The following KIF9 variants were observed in gnomAD, a reference collection of about 807,000 sequenced individuals.
KIF9 encodes the protein kinesin family member 9.
A neutral mutation model predicts 94.8 loss-of-function variants in KIF9; 68 were observed. The observed-to-expected ratio is 0.72, with a 90% CI of 0.59 to 0.88. The LOEUF (loss-of-function observed/expected upper bound fraction) is 0.88. Among genes scored for constraint, KIF9 ranks in the 40% least tolerant of loss-of-function variants. The pLI is 0.00. For missense variants in KIF9, 882 were observed against 982.5 expected, an observed-to-expected ratio of 0.90 and a Z score of 1.37; for synonymous variants, 343 against 362.1, an observed-to-expected ratio of 0.95 and a Z score of 0.60.
chr3:47,237,705 G>A lies in KIF9; in HGVS notation c.1925-1086C>T, dbSNP rs547403418. On this transcript the variant is annotated intron_variant, in intron 17 of 20. Coordinates refer to ENST00000684063, the MANE Select transcript of KIF9 (RefSeq NM_182902.4). Reference sequence around the variant, plus strand: ...GCTGGGGTGCATGAGGCAGCCCCCAGGTGCTAGAGGAAAGTGTTAGCACTT... The same window carrying A: ...GCTGGGGTGCATGAGGCAGCCCCCAAGTGCTAGAGGAAAGTGTTAGCACTT... Among the ~76,000 whole-genome samples, 91 of 152,324 alleles carry A rather than the reference G, an allele frequency of 6.0e-4. 1 individual carries two copies. Among genetic ancestry groups the A allele is most frequent in the African/African-American group, 2.1e-3 (88 of 41,576 alleles).
intron 16 of KIF9, among the ~76,000 whole-genome samples, chr3:47,242,678 C>T (rs1224735580): frequency 2.6e-5 from 4 of 152,068 alleles, no homozygotes; most frequent in South Asian, 4.1e-4. Context: ...TAGGATAGAT[C>T]CTTAAAAACT....
intron 9 of KIF9, among the ~76,000 whole-genome samples, chr3:47,261,968 T>G (rs1576036673): frequency 6.6e-6 from 1 of 152,188 alleles, no homozygotes; most frequent in African/African-American, 2.4e-5. Context: ...TTCAACACAT[T>G]TGGAAGAGAC....
At chr3:47,250,579 A>G in intron 10 of KIF9, 1 of 494,298 alleles carries the variant, frequency 2.0e-6, no homozygotes, top group East Asian at 5.7e-5. Context: ...CACATCTCAC[A>G]CAAGCGTATG....
In KIF9 at chr3:47,277,313, T is replaced by C; in HGVS notation, c.62A>G (p.His21Arg). 4 of 1,614,120 alleles carry C rather than the reference T, an allele frequency of 2.5e-6. No homozygotes were observed. Among genetic ancestry groups the C allele is most frequent in the Non-Finnish European group, 2.5e-6 (3 of 1,179,978 alleles). Reference protein sequence around the residue: ...VRVKPTDDFAHEMIRYGDDKR... With the variant: ...VRVKPTDDFAREMIRYGDDKR... Reference sequence around the variant, plus strand: ...GTCATCTCCGTATCTGATCATTTCATGAGCAAAGTCATCGGTGGGTTTGAC... The same window carrying C: ...GTCATCTCCGTATCTGATCATTTCACGAGCAAAGTCATCGGTGGGTTTGAC... The change falls in exon 2 of 21, where the codon CAT becomes CGT. Residue 21 changes from histidine to arginine, a missense_variant. Coordinates refer to ENST00000684063, the MANE Select transcript of KIF9 (RefSeq NM_182902.4).
intron 3 of KIF9, 52 bp from the exon 4 acceptor site, chr3:47,273,710 ACT>A: frequency 2.7e-6 from 4 of 1,488,046 alleles, no homozygotes; most frequent in Non-Finnish European, 3.7e-6. Flanking sequence ...TCCAAGGATA[ACT>A]CTCCCCTCTC....
chr3:47,279,160 C>CAAAAAAAAAAA (rs55779664), intron 1 of KIF9, among the ~76,000 whole-genome samples: 1 of 54,910 alleles, frequency 1.8e-5, no homozygotes. Context: ...GACCATATCT[C>CAAAAAAAAAAA]AAAAAAAAAA....
At chr3:47,268,559 A>G (rs1172859328) in intron 5 of KIF9, among the ~76,000 whole-genome samples, 1 of 151,570 alleles carries the variant, frequency 6.6e-6, no homozygotes, top group African/African-American at 2.4e-5. Flanking sequence ...CCAAGAATAT[A>G]AGGGGTCACT....
chr3:47,264,201 C>G (rs1181518766), intron 9 of KIF9, 85 bp downstream of exon 9: 5 of 1,039,084 alleles, frequency 4.8e-6, no homozygotes, highest in South Asian at 1.3e-5. Flanking sequence ...GCCACTGTGC[C>G]AGGGTAGCCA....
At chr3:47,281,663 T>A (rs938629227) in intron 1 of KIF9, among the ~76,000 whole-genome samples, 4 of 152,164 alleles carry the variant, frequency 2.6e-5, no homozygotes, top group Non-Finnish European at 5.9e-5. Flanking sequence ...CCTTTCTCCC[T>A]CAGGACCTTG....
intron 16 of KIF9, among the ~76,000 whole-genome samples, chr3:47,241,857 T>TACAC (rs1253493137): frequency 9.8e-5 from 11 of 111,830 alleles, no homozygotes; most frequent in Non-Finnish European, 2.0e-4. Flanking sequence ...TATATATATA[T>TACAC]ATATACACAT....
chr3:47,232,512 C>T (rs1415494618), intron 20 of KIF9, among the ~76,000 whole-genome samples: 3 of 151,474 alleles, frequency 2.0e-5, no homozygotes, highest in Non-Finnish European at 2.9e-5. Flanking sequence ...CTCGAACTCC[C>T]GACCTTAGGT....
rs1698957256 is a variant in KIF9, at chr3:47,235,547, G to A, written c.2288C>T (p.Ser763Phe). The A allele has an allele frequency of 6.2e-7, 1 of 1,614,092 alleles. No individual in the cohort carries two copies. The highest frequency in any genetic ancestry group is 1.1e-5 in the South Asian group (1 of 91,084). The change falls in exon 20 of 21, where the codon TCC (serine) becomes TTC (phenylalanine). Residue 763 changes from serine (S) to phenylalanine (F), a missense_variant. Physicochemically the swap from Ser to Phe is radical, Grantham distance 155 (BLOSUM62 -2). Coordinates refer to ENST00000684063, the MANE Select transcript of KIF9 (RefSeq NM_182902.4). ...TATCTTGACTTTGGCATTGTAGAAG[G>A]AGATGGAATCAGGGCCCTCAGGAAG... ...RVLPEGPDSISFYNAKVKIEQ... is the reference protein window; with the variant it reads ...RVLPEGPDSIFFYNAKVKIEQ...
chr3:47,242,948 A>C, intron 16 of KIF9, 103 bp downstream of exon 16: 1 of 973,864 alleles, frequency 1.0e-6, no homozygotes, highest in Admixed American at 2.7e-5. Context: ...TTTGCCTATT[A>C]TTTCTTATTT....
intron 9 of KIF9, among the ~76,000 whole-genome samples, chr3:47,258,223 GGTTT>G (rs1379108572): frequency 2.0e-5 from 3 of 152,088 alleles, no homozygotes; most frequent in African/African-American, 7.2e-5. Flanking sequence ...AAAATATTAT[GGTTT>G]GTTTGTGGGG....
chr3:47,279,872 G>A (rs954157919), intron 1 of KIF9, among the ~76,000 whole-genome samples: 1 of 152,030 alleles, frequency 6.6e-6, no homozygotes, highest in Non-Finnish European at 1.5e-5. Context: ...CCACCTCAGC[G>A]GATCATTTTA....
intron 14 of KIF9, 21 bp downstream of exon 14, chr3:47,245,400 G>T (rs1699856993): frequency 4.4e-6 from 7 of 1,588,524 alleles, no homozygotes; most frequent in Non-Finnish European, 5.2e-6. Flanking sequence ...AGTGCTGTCG[G>T]CAAGTAGCAA....
chr3:47,254,774 T>C (rs1700468822), intron 10 of KIF9, among the ~76,000 whole-genome samples: 1 of 151,710 alleles, frequency 6.6e-6, no homozygotes, highest in African/African-American at 2.4e-5. Context: ...CTCAGTGTCA[T>C]AAAAGGGCCT....
chr3:47,245,584 TG>T, intron 13 of KIF9, 73 bp from the exon 14 acceptor site: 1 of 1,177,964 alleles, frequency 8.5e-7, no homozygotes, highest in East Asian at 2.3e-5. Flanking sequence ...AACCAAGTAC[TG>T]GGGTTAAAAG....
In KIF9 at chr3:47,235,497, T is replaced by G. The variant is rs773338332; in HGVS notation, c.2322+16A>C. ...TGAGGCCCCCATCCTCCTGGAGACA[T>G]AGGCCTCTGAGTTACCTTCTGCTCT... On this transcript the variant is annotated intron_variant, in intron 20 of 20. Coordinates refer to ENST00000684063, the MANE Select transcript of KIF9 (RefSeq NM_182902.4). The G allele has an allele frequency of 1.9e-6, 3 of 1,567,796 alleles. No individual in the cohort carries two copies. Among genetic ancestry groups the G allele is most frequent in the Non-Finnish European group, 1.8e-6 (2 of 1,137,730 alleles).
Sources: gnomAD v4.1 joint callset for allele counts (sites outside exome capture counted in the v4.1 genomes callset) on GRCh38, gnomAD v4.1.1 for gene constraint, MANE v1.5 for transcripts, NCBI Gene and HGNC (gene_info 2026-07-23, HGNC 2026-07-21) for gene names.